NPAT: variants seen among roughly 807,000 people sequenced by gnomAD.
NPAT encodes protein NPAT.
A neutral mutation model predicts 130.7 loss-of-function variants in NPAT; 52 were observed. The ratio of observed to expected loss-of-function variants is 0.40; its 90% CI spans 0.32 to 0.50. The LOEUF is 0.50. Among genes scored for constraint, NPAT ranks in the 20% least tolerant of loss-of-function variants. The probability of loss-of-function intolerance (pLI) is 0.68; values close to 1 mark genes in which losing one functional copy is unlikely to be tolerated. For missense variants in NPAT, 1,687 were observed against 1,662.6 expected (o/e 1.01, Z -0.26); for synonymous variants, 580 against 584.8 (o/e 0.99, Z 0.12).
In NPAT at chr11:108,162,127, C is replaced by A. The variant is rs771414825; in HGVS notation, c.3064G>T (p.Ala1022Ser). 1 of 1,613,902 alleles carries A rather than the reference C, an allele frequency of 6.2e-7. No homozygotes were observed. The highest frequency in any genetic ancestry group is 1.7e-5 in the Admixed American group (1 of 60,010). Residue 1022 changes from alanine to serine, a missense_variant, in exon 16 of 18, where the codon GCA (alanine) becomes TCA (serine). Coordinates refer to ENST00000278612, the MANE Select transcript of NPAT (RefSeq NM_002519.3). ...AAACTACTTTATACTCACTTTTGTG[C>A]ATGACATCCAACTGAATGACCTGAC... is the stretch of plus-strand genomic sequence containing the variant. ...DSSGHSVGCH[A>S]QKTEVSDKSI... is the part of the protein sequence containing the mutation.
chr11:108,185,574 G>A (rs557502646), intron 8 of NPAT, 80 bp from the exon 9 acceptor site: 12 of 943,208 alleles, frequency 1.3e-5, no homozygotes, highest in African/African-American at 6.6e-5. Context: ...AGAACAAACC[G>A]ATAAGAGCTG....
intron 2 of NPAT, among the ~76,000 whole-genome samples, chr11:108,194,889 T>C (rs2119989): frequency 2.4e-3 from 363 of 151,486 alleles, no homozygotes; most frequent in African/African-American, 8.4e-3. Context: ...AGTGGCACAA[T>C]CTCGGCTCAC....
At chr11:108,179,138 T>C (rs1337139561) in intron 10 of NPAT, among the ~76,000 whole-genome samples, 1 of 152,184 alleles carries the variant, frequency 6.6e-6, no homozygotes, top group Admixed American at 6.5e-5. Context: ...GACAGTGTCT[T>C]CAAGATATAG....
intron 10 of NPAT, among the ~76,000 whole-genome samples, chr11:108,178,631 G>A (rs1206651371): frequency 6.6e-6 from 1 of 152,200 alleles, no homozygotes; most frequent in African/African-American, 2.4e-5. Flanking sequence ...GCCAAGGCAG[G>A]TGGATCACTT....
At chr11:108,168,068 T>C (rs988988200) in intron 15 of NPAT, among the ~76,000 whole-genome samples, 11 of 152,150 alleles carry the variant, frequency 7.2e-5, no homozygotes, top group Admixed American at 2.0e-4. Context: ...TATCAAATAT[T>C]GGTAGTGTTG....
At chr11:108,193,901 T>C in intron 3 of NPAT, 56 bp downstream of exon 3, 2 of 1,031,708 alleles carry the variant, frequency 1.9e-6, no homozygotes, top group Non-Finnish European at 1.5e-6. Flanking sequence ...TTTAACTAAA[T>C]CAAGTAGATA....
chr11:108,192,174 G>T lies in NPAT; in HGVS notation c.234C>A (p.Val78=). The change falls in exon 4 of 18, where the codon GTC becomes GTA. Residue 78 remains valine, a synonymous_variant. Coordinates refer to ENST00000278612, the MANE Select transcript of NPAT (RefSeq NM_002519.3). ...AMKTKETSNN[V]PAIMSSLWKK... ...TCCATAGAGATGACATTATTGCTGGGACATTATTTGATGTTTCTAAATCAT... is the reference window on the plus strand; with the variant it reads ...TCCATAGAGATGACATTATTGCTGGTACATTATTTGATGTTTCTAAATCAT... 1 of 1,603,178 alleles carries T rather than the reference G, an allele frequency of 6.2e-7. No individual in the cohort carries two copies. Among genetic ancestry groups the T allele is most frequent in the Non-Finnish European group, 8.5e-7 (1 of 1,170,304 alleles).
intron 10 of NPAT, among the ~76,000 whole-genome samples, chr11:108,180,531 T>C (rs1390387015): frequency 1.3e-5 from 2 of 150,356 alleles, no homozygotes; most frequent in Admixed American, 6.6e-5. Flanking sequence ...GGATGGCCAC[T>C]ATCAAAGCAA....
chr11:108,177,992 A>ACT lies in NPAT; in HGVS notation c.907-904_907-903dup, dbSNP rs776212516. ...CACCTCGGCCTCCTAAACTGCTGGG[A>ACT]CTACAGGCATGAGTTACTGTGCCTG... On this transcript the variant is annotated intron_variant, in intron 10 of 17. Transcript: ENST00000278612. Among the ~76,000 whole-genome samples, 15 of 152,170 alleles carry ACT rather than the reference A, an allele frequency of 9.9e-5. 1 individual carries two copies. In the East Asian group the frequency reaches 1.3e-3, roughly 14 times the overall value.
chr11:108,202,679 G>A (rs2078285309), intron 1 of NPAT, among the ~76,000 whole-genome samples: 1 of 152,122 alleles, frequency 6.6e-6, no homozygotes, highest in African/African-American at 2.4e-5. Flanking sequence ...ACTTGCCTTA[G>A]AAATAATCCC....
chr11:108,170,109 G>T, intron 13 of NPAT, 66 bp from the exon 14 acceptor site: 1 of 940,612 alleles, frequency 1.1e-6, no homozygotes, highest in Non-Finnish European at 1.7e-6. Flanking sequence ...ACAAACAAAT[G>T]TTTGGCACAA....
rs1269180868 is a variant in NPAT, at chr11:108,162,160, C to T, written c.3031G>A (p.Val1011Met). ...PCIGKQVNNL[V>M]DSSGHSVGCH... ...CCAACTGAATGACCTGACGAATCCA[C>T]CAAATTATTTACTTGTTTTCCTGAA... Residue 1011 changes from valine (V) to methionine (M), a missense_variant, in exon 16 of 18, where the codon GTG becomes ATG. Coordinates refer to ENST00000278612, the MANE Select transcript of NPAT (RefSeq NM_002519.3). The T allele has an allele frequency of 1.9e-6, 3 of 1,613,860 alleles. No individual in the cohort carries two copies. Among genetic ancestry groups the T allele is most frequent in the Admixed American group, 3.3e-5 (2 of 60,010 alleles).
At chr11:108,177,289 G>C (rs1419039698) in intron 10 of NPAT, among the ~76,000 whole-genome samples, 199 bp from the exon 11 acceptor site, 2 of 151,810 alleles carry the variant, frequency 1.3e-5, no homozygotes, top group Non-Finnish European at 2.9e-5. Context: ...TGAGTAGCTG[G>C]GACTACAAGT....
intron 1 of NPAT, among the ~76,000 whole-genome samples, chr11:108,217,316 GTT>G (rs2078443831): frequency 6.6e-6 from 1 of 152,028 alleles, no homozygotes; most frequent in Non-Finnish European, 1.5e-5. Flanking sequence ...TAATTATCTT[GTT>G]TTTATTAATC....
At chr11:108,162,691 C>A (rs2077863483) in intron 15 of NPAT, among the ~76,000 whole-genome samples, 2 of 152,184 alleles carry the variant, frequency 1.3e-5, no homozygotes, top group South Asian at 4.1e-4. Context: ...CTGGGCCTCC[C>A]AAAAGGCTGG....
chr11:108,160,989 G>A lies in NPAT; in HGVS notation c.4097C>T (p.Thr1366Ile). Residue 1366 changes from threonine (T) to isoleucine (I), a missense_variant, in exon 17 of 18, where the codon ACC (threonine) becomes ATC (isoleucine). Thr to Ile is a moderately conservative substitution (Grantham distance 89, BLOSUM62 -1). This residue lies in a region of NPAT where 1,379 missense variants were observed against 1,346.6 expected (regional missense o/e 1.02). Coordinates refer to ENST00000278612, the MANE Select transcript of NPAT (RefSeq NM_002519.3). ...TTCCTCAATTTTCCGCTTTTTTGTG[G>A]TGCTCCTTGAAGATGCTCTAAACTG... The part of the protein sequence containing the change: ...TQQFRASSRS[T>I]TKKRKIEELD... 6.2e-7 allele frequency: 1 copy of A among 1,614,070 alleles called. No individual in the cohort carries two copies. Among genetic ancestry groups the A allele is most frequent in the South Asian group, 1.1e-5 (1 of 91,080 alleles).
chr11:108,172,744 T>C lies in NPAT; in HGVS notation c.2240A>G (p.Asp747Gly), dbSNP rs1293650564. Residue 747 changes from aspartate (D) to glycine (G), a missense_variant, in exon 13 of 18, where the codon GAT (aspartate) becomes GGT (glycine). Physicochemically the swap from Asp to Gly is moderately conservative, Grantham distance 94. Transcript: ENST00000278612. Reference protein sequence around the residue: ...IVSLKVIISDDPFVSSDTELT... With the variant: ...IVSLKVIISDGPFVSSDTELT... The stretch of plus-strand genomic sequence containing the variant: ...TTCAGTATCTGAGGAAACAAATGGA[T>C]CATCACTAATGATAACTTTGAGAGA... 2.5e-6 allele frequency: 4 copies of C among 1,613,550 alleles called. No homozygotes were observed. Among genetic ancestry groups the C allele is most frequent in the Admixed American group, 1.7e-5 (1 of 60,030 alleles).
chr11:108,196,058 T>C (rs1180614805), intron 2 of NPAT, among the ~76,000 whole-genome samples: 3 of 152,230 alleles, frequency 2.0e-5, no homozygotes, highest in African/African-American at 7.2e-5. Flanking sequence ...AAATCCAACT[T>C]TGCACAATTT....
chr11:108,165,805 TTG>T (rs2077897239), intron 15 of NPAT, among the ~76,000 whole-genome samples: 1 of 151,906 alleles, frequency 6.6e-6, no homozygotes, highest in African/African-American at 2.4e-5. Flanking sequence ...GGCTAATTTT[TTG>T]TATTTTTAGT....
Sources: gnomAD v4.1 joint callset for allele counts (sites outside exome capture counted in the v4.1 genomes callset) on GRCh38, gnomAD v4.1.1 for gene constraint, gnomAD v4.1.1 regional missense constraint, MANE v1.5 for transcripts, NCBI Gene and HGNC (gene_info 2026-07-23, HGNC 2026-07-21) for gene names.